Variants in MEI4 observed in about 807,000 individuals in gnomAD.
MEI4 encodes the protein meiosis-specific protein MEI4.
A neutral mutation model predicts 31.4 loss-of-function variants in MEI4; 27 were observed. The observed-to-expected ratio is 0.86, with a 90% confidence interval of 0.63 to 1.19. The LOEUF (loss-of-function observed/expected upper bound fraction) is 1.19. Among genes scored for constraint, MEI4 ranks in the 50% most tolerant of loss-of-function variants. MEI4 has a pLI of 0.00. For missense variants in MEI4, 329 were observed against 398.9 expected, an observed-to-expected ratio of 0.82 and a Z score of 1.49; for synonymous variants, 122 against 145.4, an observed-to-expected ratio of 0.84 and a Z score of 1.16.
intron 3 of MEI4, among the ~76,000 whole-genome samples, chr6:77,794,543 C>A (rs1300121372): frequency 1.3e-5 from 2 of 152,084 alleles, no homozygotes; most frequent in Admixed American, 6.6e-5. Context: ...GCCTGGGTGA[C>A]AGAGTGAGAC....
At chr6:77,728,299 G>T (rs1362401596) in intron 2 of MEI4, among the ~76,000 whole-genome samples, 1 of 152,178 alleles carries the variant, frequency 6.6e-6, no homozygotes, top group Non-Finnish European at 1.5e-5. Flanking sequence ...GAAAAAGTCT[G>T]CTTACTACTC....
At chr6:77,710,921 A>T (rs1766449692) in intron 2 of MEI4, among the ~76,000 whole-genome samples, 1 of 152,218 alleles carries the variant, frequency 6.6e-6, no homozygotes. Flanking sequence ...TTCATTATTC[A>T]TCTCACTTAA....
intron 2 of MEI4, among the ~76,000 whole-genome samples, chr6:77,729,338 T>G (rs1766911957): frequency 6.6e-6 from 1 of 152,210 alleles, no homozygotes; most frequent in Admixed American, 6.5e-5. Flanking sequence ...ATCGAAAAAG[T>G]TGCAACGTTA....
At chr6:77,845,469 A>G (rs6930654) in intron 4 of MEI4, among the ~76,000 whole-genome samples, 35,176 of 152,014 alleles carry the variant, frequency 0.23, 5,166 homozygotes, top group African/African-American at 0.42. Context: ...ATGCAATTTT[A>G]TATCTTAATT....
intron 1 of MEI4, among the ~76,000 whole-genome samples, chr6:77,677,528 A>T (rs1253660747): frequency 6.6e-6 from 1 of 152,186 alleles, no homozygotes; most frequent in South Asian, 2.1e-4. Flanking sequence ...TACTTCAGTT[A>T]TGTCTTTTCT....
intron 2 of MEI4, among the ~76,000 whole-genome samples, chr6:77,714,024 T>A (rs1324465328): frequency 6.6e-6 from 1 of 152,200 alleles, no homozygotes; most frequent in Non-Finnish European, 1.5e-5. Context: ...CTAAGGATAA[T>A]GGCCTCCAGC....
Position 77,787,500 on chromosome 6 carries a change from A to C in MEI4, c.768+25835A>C, listed in dbSNP as rs989932287. 9.2e-5 allele frequency among the ~76,000 whole-genome samples: 14 copies of C among 152,276 alleles called. No homozygotes were observed. The Middle Eastern group carries it at 0.01, about 111-fold the overall frequency. Reference sequence around the variant, plus strand: ...AACAGCCATGTGATCTGGCTCCAACACCACTAGAGTGCAATCCCAGGTGCA... The same window carrying C: ...AACAGCCATGTGATCTGGCTCCAACCCCACTAGAGTGCAATCCCAGGTGCA... On this transcript the variant is annotated intron_variant, in intron 3 of 4. Coordinates refer to ENST00000684080, the MANE Select transcript of MEI4 (RefSeq NM_001322247.2).
intron 2 of MEI4, among the ~76,000 whole-genome samples, chr6:77,693,536 A>G (rs1443608820): frequency 1.3e-5 from 2 of 152,094 alleles, no homozygotes; most frequent in African/African-American, 2.4e-5. Context: ...TCAAAAAATC[A>G]TATAATTAAA....
intron 2 of MEI4, among the ~76,000 whole-genome samples, chr6:77,715,310 CTAGT>C (rs1766554910): frequency 6.6e-6 from 1 of 152,028 alleles, no homozygotes; most frequent in African/African-American, 2.4e-5. Flanking sequence ...TAGTTTTTAA[CTAGT>C]TATAAAAACC....
At chr6:77,676,018 C>A (rs1166098160) in intron 1 of MEI4, among the ~76,000 whole-genome samples, 1 of 152,134 alleles carries the variant, frequency 6.6e-6, no homozygotes, top group Non-Finnish European at 1.5e-5. Flanking sequence ...ATAGTCTAGC[C>A]AGGCCAGATA....
intron 1 of MEI4, among the ~76,000 whole-genome samples, chr6:77,669,863 G>A (rs905736521): frequency 1.3e-5 from 2 of 152,168 alleles, no homozygotes; most frequent in African/African-American, 2.4e-5. Flanking sequence ...AAGTGGTGGA[G>A]CCTGCATTTT....
chr6:77,746,660 T>TGC (rs1767616656), intron 2 of MEI4, among the ~76,000 whole-genome samples: 1 of 149,652 alleles, frequency 6.7e-6, no homozygotes, highest in Non-Finnish European at 1.5e-5. Context: ...TGTGTGTGTG[T>TGC]GTGTGTGTGT....
chr6:77,699,845 T>C (rs1172173307), intron 2 of MEI4, among the ~76,000 whole-genome samples: 2 of 152,166 alleles, frequency 1.3e-5, no homozygotes, highest in Non-Finnish European at 2.9e-5. Context: ...GGAGGTCCAC[T>C]CCACATCCTG....
chr6:77,848,328 C>A (rs1379112770), intron 4 of MEI4, among the ~76,000 whole-genome samples: 1 of 152,098 alleles, frequency 6.6e-6, no homozygotes, highest in Non-Finnish European at 1.5e-5. Flanking sequence ...CCAGCCATTT[C>A]TTCACTGGAA....
chr6:77,895,728 A>G (rs1011139828), intron 4 of MEI4, among the ~76,000 whole-genome samples: 4 of 152,122 alleles, frequency 2.6e-5, no homozygotes, highest in Non-Finnish European at 4.4e-5. Context: ...CCCTTGAGTT[A>G]GACACATGAA....
At chr6:77,714,170 A>G (rs1382861373) in intron 2 of MEI4, among the ~76,000 whole-genome samples, 3 of 151,966 alleles carry the variant, frequency 2.0e-5, no homozygotes, top group African/African-American at 7.2e-5. Flanking sequence ...TGTCTTTGCT[A>G]TTGTGATGAA....
At chr6:77,809,883 T>C (rs977422243) in intron 3 of MEI4, among the ~76,000 whole-genome samples, 2 of 152,234 alleles carry the variant, frequency 1.3e-5, no homozygotes, top group African/African-American at 2.4e-5. Context: ...TATTTGTGTT[T>C]CTTGTATTTT....
chr6:77,779,311 A>G (rs1471121701), intron 3 of MEI4, among the ~76,000 whole-genome samples: 1 of 152,240 alleles, frequency 6.6e-6, no homozygotes, highest in Non-Finnish European at 1.5e-5. Flanking sequence ...CAGAGGCTTA[A>G]TAAGGTAAGA....
At chr6:77,839,655 C>A (rs1340850264) in intron 4 of MEI4, among the ~76,000 whole-genome samples, 1 of 152,082 alleles carries the variant, frequency 6.6e-6, no homozygotes, top group Admixed American at 6.6e-5. Flanking sequence ...AGTGAAACTA[C>A]CACTAACAGA....
Sources: allele counts gnomAD v4.1 joint callset (sites outside exome capture counted in the v4.1 genomes callset), GRCh38; gene constraint gnomAD v4.1.1; transcripts MANE v1.5; gene names NCBI Gene and HGNC (gene_info 2026-07-23, HGNC 2026-07-21).